FN1: variants seen among roughly 807,000 people sequenced by gnomAD.
FN1 encodes the protein fibronectin.
Under a neutral mutation model 297.3 loss-of-function variants are expected in FN1, and 106 were observed. The ratio of observed to expected loss-of-function variants is 0.36; its 90% confidence interval spans 0.30 to 0.42. The LOEUF (loss-of-function observed/expected upper bound fraction) is 0.42, where lower values mean the gene tolerates loss of function less well. FN1 is among the 10% of genes least tolerant of loss of function. FN1 has a pLI of 1.00. For synonymous variants in FN1, 1,149 were observed against 1,152.6 expected, an observed-to-expected ratio of 1.00 and a Z score of 0.06; for missense variants, 2,690 against 3,124.9, an observed-to-expected ratio of 0.86 and a Z score of 3.32.
intron 26 of FN1, among the ~76,000 whole-genome samples, chr2:215,390,421 G>A (rs2059585307): frequency 6.6e-6 from 1 of 152,182 alleles, no homozygotes; most frequent in South Asian, 2.1e-4. Context: ...CTGGGCTCAA[G>A]CAATTGGCCC....
chr2:215,404,305 TTTG>T (rs1436147803), intron 20 of FN1, 81 bp downstream of exon 20: 45 of 1,324,294 alleles, frequency 3.4e-5, no homozygotes, highest in Non-Finnish European at 4.3e-5. Context: ...TAATGTTTTT[TTTG>T]TTTTGTTTTG....
intron 42 of FN1, among the ~76,000 whole-genome samples, chr2:215,366,653 T>C (rs954852299): frequency 6.6e-6 from 1 of 152,186 alleles, no homozygotes; most frequent in Admixed American, 6.5e-5. Context: ...TACTACTTTT[T>C]CCATTTTATC....
intron 28 of FN1, among the ~76,000 whole-genome samples, 166 bp from the exon 29 acceptor site, chr2:215,385,142 G>C (rs1211619218): frequency 1.3e-5 from 2 of 151,458 alleles, no homozygotes; most frequent in Non-Finnish European, 2.9e-5. Flanking sequence ...AAGATAAGGG[G>C]TTACAGAGCC....
intron 2 of FN1, among the ~76,000 whole-genome samples, chr2:215,433,894 G>T (rs1355040563): frequency 6.6e-6 from 1 of 152,208 alleles, no homozygotes; most frequent in Admixed American, 6.5e-5. Context: ...CTGAGGTCAG[G>T]AATTCGAGAC....
Position 215,382,195 on chromosome 2 carries a change from A to G in FN1, c.5164+17T>C, listed in dbSNP as rs761099349. On this transcript the variant is annotated intron_variant, in intron 32 of 45. Transcript: ENST00000354785. Reference sequence around the variant, plus strand: ...AAATTTGACTTTGAAAATGGAAACCAAGCAGTGGTTACGTACTGGTTACTG... The same window carrying G: ...AAATTTGACTTTGAAAATGGAAACCGAGCAGTGGTTACGTACTGGTTACTG... The G allele has an allele frequency of 3.9e-6, 6 of 1,557,452 alleles. No homozygotes were observed. The highest frequency in any genetic ancestry group is 3.3e-5 in the Admixed American group (2 of 59,920).
rs762299859 is a variant in FN1 at position 215,386,704 on chromosome 2, C to T, written c.4597G>A (p.Gly1533Ser). 5.5e-5 allele frequency: 89 copies of T among 1,612,074 alleles called. No homozygotes were observed. The highest frequency in any genetic ancestry group is 7.5e-5 in the Non-Finnish European group (89 of 1,179,728). The part of the protein sequence containing the change: ...NGREESPLLI[G>S]QQSTVSDVPR... Reference sequence around the variant, plus strand: ...GAAAAGTTACCTGTTGATTGTTGGCCAATCAATAAGGGACTTTCCTCTCTG... The same window carrying T: ...GAAAAGTTACCTGTTGATTGTTGGCTAATCAATAAGGGACTTTCCTCTCTG... Residue 1533 changes from glycine to serine, a missense_variant, in exon 28 of 46, where the codon GGC becomes AGC. Gly to Ser is a moderately conservative substitution (Grantham distance 56, BLOSUM62 0). This residue lies in a region of FN1 where 1,743 missense variants were observed against 1,945.2 expected (regional missense o/e 0.90). Coordinates refer to ENST00000354785, the MANE Select transcript of FN1 (RefSeq NM_212482.4).
Position 215,435,850 on chromosome 2 carries a change from C to G in FN1, c.-48G>C. 1 of 1,509,242 alleles carries G rather than the reference C, an allele frequency of 6.6e-7. No homozygotes were observed. Among genetic ancestry groups the G allele is most frequent in the South Asian group, 1.2e-5 (1 of 81,006 alleles). 93.5% of individuals were successfully genotyped at this position (1,509,242 alleles called of 1,614,324 possible). On this transcript the variant is annotated 5_prime_UTR_variant, in exon 1 of 46. Transcript: ENST00000354785. The stretch of plus-strand genomic sequence containing the variant: ...GCCCGCACCGGGAGGCAAGTTGCCA[C>G]CAAGTTTGCTTCCCTTCGCAACCTG...
chr2:215,378,023 G>T, intron 35 of FN1, 152 bp downstream of exon 35: 2 of 646,664 alleles, frequency 3.1e-6, no homozygotes, highest in Middle Eastern at 4.1e-4. Context: ...GCCCGGGTAG[G>T]TCTCAAACTC....
intron 1 of FN1, 143 bp downstream of exon 1, chr2:215,435,512 T>C: frequency 8.0e-7 from 1 of 1,252,808 alleles, no homozygotes; most frequent in South Asian, 1.3e-5. Flanking sequence ...AACTCGGTCC[T>C]TTTGTGTGCA....
intron 40 of FN1, among the ~76,000 whole-genome samples, chr2:215,371,668 A>G (rs2056157459): frequency 8.1e-6 from 1 of 124,186 alleles, no homozygotes; most frequent in African/African-American, 2.9e-5. Context: ...CTAAAAGTGG[A>G]GCCACTTTTT....
chr2:215,389,156 T>A (rs1187077424), intron 26 of FN1, among the ~76,000 whole-genome samples: 1 of 152,158 alleles, frequency 6.6e-6, no homozygotes, highest in Non-Finnish European at 1.5e-5. Flanking sequence ...CAGGCCGGAG[T>A]GCAGTGGTGT....
intron 13 of FN1, among the ~76,000 whole-genome samples, chr2:215,413,848 TA>T (rs1466442072): frequency 2.0e-5 from 3 of 152,234 alleles, no homozygotes; most frequent in Admixed American, 2.0e-4. Flanking sequence ...TAGAAGACTT[TA>T]AAAGTTTCTT....
chr2:215,363,370 G>A (rs1262787195), intron 44 of FN1: 5 of 144,810 alleles, frequency 3.5e-5, no homozygotes, highest in East Asian at 5.5e-4. Context: ...CGTTGTAAGT[G>A]TTAATGGGAG....
chr2:215,390,167 G>A (rs1414558309), intron 26 of FN1, among the ~76,000 whole-genome samples: 2 of 151,630 alleles, frequency 1.3e-5, no homozygotes, highest in African/African-American at 4.9e-5. Flanking sequence ...TGGGGACCTC[G>A]ACGGCTTCAT....
intron 32 of FN1, chr2:215,381,579 T>C (rs2058219463): frequency 4.5e-6 from 1 of 219,924 alleles, no homozygotes; most frequent in African/African-American, 2.4e-5. Context: ...GTCCAAGTGA[T>C]TCTTCTGCCT....
At chr2:215,364,652 C>CCATT (rs1402619226) in intron 44 of FN1, 2 of 588,850 alleles carry the variant, frequency 3.4e-6, no homozygotes, top group South Asian at 4.0e-5. Flanking sequence ...ACTCTACATG[C>CCATT]CATTCATTCA....
In FN1 at chr2:215,408,313, T is replaced by C. The variant is rs199957523; in HGVS notation, c.2413A>G (p.Thr805Ala). The C allele has an allele frequency of 1.0e-4, 168 of 1,613,996 alleles. No individual in the cohort carries two copies. The highest frequency in any genetic ancestry group is 2.9e-4 in the South Asian group (26 of 91,086). The change falls in exon 16 of 46, where the codon ACT becomes GCT. Residue 805 changes from threonine to alanine, a missense_variant. Coordinates refer to ENST00000354785, the MANE Select transcript of FN1 (RefSeq NM_212482.4). ...ACACATGTACCTGTTGTTTGTGAAG[T>C]AGACAGGATCAAACTCTGCTCCCCA... is the stretch of plus-strand genomic sequence containing the variant. ...EDGEQSLILSTSQTTAPDAPP... is the reference protein window; with the variant it reads ...EDGEQSLILSASQTTAPDAPP...
rs1448786191 is a variant in FN1, at chr2:215,408,307, G to C, written c.2419C>G (p.Gln807Glu). ...GEQSLILSTS[Q>E]TTAPDAPPDT... ...TGTAGCACACATGTACCTGTTGTTTGTGAAGTAGACAGGATCAAACTCTGC... is the reference window on the plus strand; with the variant it reads ...TGTAGCACACATGTACCTGTTGTTTCTGAAGTAGACAGGATCAAACTCTGC... The change falls in exon 16 of 46, where the codon CAA becomes GAA. Residue 807 changes from glutamine (Q) to glutamate (E), a missense_variant. By Grantham distance (29) the Gln-to-Glu change is conservative. Coordinates refer to ENST00000354785, the MANE Select transcript of FN1 (RefSeq NM_212482.4). 2 of 1,614,176 alleles carry C rather than the reference G, an allele frequency of 1.2e-6. No homozygotes were observed. Among genetic ancestry groups the C allele is most frequent in the South Asian group, 1.1e-5 (1 of 91,086 alleles).
intron 2 of FN1, 93 bp from the exon 3 acceptor site, chr2:215,433,554 T>C (rs757755979): frequency 4.2e-5 from 52 of 1,235,844 alleles, no homozygotes; most frequent in Non-Finnish European, 5.8e-5. Flanking sequence ...ACTTCTCTAT[T>C]CCACAAGTAA....
Sources: gnomAD v4.1 joint callset for allele counts (sites outside exome capture counted in the v4.1 genomes callset) on GRCh38, gnomAD v4.1.1 for gene constraint, gnomAD v4.1.1 regional missense constraint, MANE v1.5 for transcripts, NCBI Gene and HGNC (gene_info 2026-07-23, HGNC 2026-07-21) for gene names.